Variants in TMED3 observed in about 807,000 individuals in gnomAD.
TMED3 encodes transmembrane emp24 domain-containing protein 3.
Under a neutral mutation model 15.0 loss-of-function variants are expected in TMED3, and 9 were observed. That is an observed-to-expected ratio of 0.60 (90% CI 0.36 to 1.04). The LOEUF (loss-of-function observed/expected upper bound fraction) is 1.04. TMED3 is among the 50% of genes least tolerant of loss of function. The pLI, the probability that TMED3 is intolerant of heterozygous loss-of-function variation, is 0.01. For synonymous variants in TMED3, 117 were observed against 121.4 expected, an observed-to-expected ratio of 0.96 and a Z score of 0.24; for missense variants, 267 against 278.9, an observed-to-expected ratio of 0.96 and a Z score of 0.30.
intron 1 of TMED3, 51 bp downstream of exon 1, chr15:79,311,468 C>T (rs777618958): frequency 6.4e-6 from 10 of 1,554,944 alleles, no homozygotes; most frequent in Non-Finnish European, 8.7e-6. Context: ...TCCCAGGTCT[C>T]ACCTGGACAC....
intron 2 of TMED3, among the ~76,000 whole-genome samples, chr15:79,364,120 G>A (rs1012717458): frequency 6.6e-6 from 1 of 152,160 alleles, no homozygotes; most frequent in Non-Finnish European, 1.5e-5. Flanking sequence ...AGCAAAGAGA[G>A]GGGTCCTGAA....
At chr15:79,321,178 A>G (rs2058764988) in intron 2 of TMED3, among the ~76,000 whole-genome samples, 1 of 152,152 alleles carries the variant, frequency 6.6e-6, no homozygotes, top group South Asian at 2.1e-4. Flanking sequence ...TAACCTCCCC[A>G]TCTTCAGGTC....
rs1893838151 is a variant in TMED3 at position 79,401,851 on chromosome 15, G to T, written c.418-9549G>T. Among the ~76,000 whole-genome samples, 3 of 152,134 alleles carry T rather than the reference G, an allele frequency of 2.0e-5. No individual in the cohort carries two copies. In the South Asian group the frequency reaches 6.2e-4, roughly 32 times the overall value. ...TTTAATACCATTTTCAAATAGATGTGGTTAGCGATTGAAATCCCATCAATA... is the reference window on the plus strand; with the variant it reads ...TTTAATACCATTTTCAAATAGATGTTGTTAGCGATTGAAATCCCATCAATA... On this transcript the variant is annotated intron_variant, in intron 2 of 2. Coordinates refer to the TMED3 transcript ENST00000424155.
chr15:79,371,039 A>G (rs901840092), intron 2 of TMED3, among the ~76,000 whole-genome samples: 4 of 152,350 alleles, frequency 2.6e-5, no homozygotes, highest in African/African-American at 9.6e-5. Context: ...ATCAAACTGA[A>G]AGAATAGTCA....
chr15:79,333,854 T>C (rs781082769), intron 2 of TMED3, among the ~76,000 whole-genome samples: 23 of 152,126 alleles, frequency 1.5e-4, no homozygotes, highest in Non-Finnish European at 2.9e-4. Flanking sequence ...AAAACAGGGC[T>C]GTACTCAGGT....
intron 2 of TMED3, among the ~76,000 whole-genome samples, chr15:79,403,260 G>C (rs1370138265): frequency 7.7e-6 from 1 of 130,480 alleles, no homozygotes; most frequent in Non-Finnish European, 1.6e-5. Context: ...GACTTGATTT[G>C]ATACAGGAGG....
rs1355977926 is a variant in TMED3, at chr15:79,322,502, T to G, written c.*288T>G. 8.2e-7 allele frequency: 1 copy of G among 1,224,338 alleles called. No individual in the cohort carries two copies. Among genetic ancestry groups the G allele is most frequent in the African/African-American group, 1.5e-5 (1 of 65,012 alleles). 75.8% of individuals were successfully genotyped at this position (1,224,338 alleles called of 1,614,324 possible). On this transcript the variant is annotated 3_prime_UTR_variant, in exon 3 of 3. Coordinates refer to ENST00000299705, the MANE Select transcript of TMED3 (RefSeq NM_007364.4). Reference sequence around the variant, plus strand: ...GGAGGGTGGACAGGCAATGGTTCAGTGGCCTGGCTGTTGGCAGGAACTCCA... The same window carrying G: ...GGAGGGTGGACAGGCAATGGTTCAGGGGCCTGGCTGTTGGCAGGAACTCCA...
At chr15:79,316,247 C>T (rs1320987860) in intron 2 of TMED3, among the ~76,000 whole-genome samples, 1 of 152,178 alleles carries the variant, frequency 6.6e-6, no homozygotes, top group African/African-American at 2.4e-5. Context: ...GTCCAAAGGA[C>T]TTGTTTCAGG....
At chr15:79,345,231 A>G (rs965925941) in intron 2 of TMED3, among the ~76,000 whole-genome samples, 54 of 152,162 alleles carry the variant, frequency 3.5e-4, no homozygotes, top group Non-Finnish European at 4.7e-4. Context: ...GGTTTGTTGT[A>G]CAGATTATTT....
chr15:79,350,333 A>C (rs1383130411), intron 2 of TMED3, among the ~76,000 whole-genome samples: 1 of 152,164 alleles, frequency 6.6e-6, no homozygotes, highest in Non-Finnish European at 1.5e-5. Context: ...GTCTCATGAT[A>C]AGCCGTCTGC....
At position 79,322,565 on chromosome 15, in the gene TMED3, C is replaced by T. The variant is rs2058772585; in HGVS notation, c.*351C>T. On this transcript the variant is annotated 3_prime_UTR_variant, in exon 3 of 3. Transcript: ENST00000299705. ...TCTTGGGCAGCTTAGGGCCCTGCCT[C>T]TGTTTCATGATGCATGGGTCATTTG... 1.8e-6 allele frequency: 2 copies of T among 1,087,732 alleles called. No homozygotes were observed. The highest frequency in any genetic ancestry group is 2.2e-6 in the Non-Finnish European group (2 of 895,478). The allele number at this position is 1,087,732 out of a possible 1,614,324, so 67.4% of individuals were successfully genotyped here. A position where few individuals can be genotyped will look rare whatever the true frequency, so the allele number is the denominator to read the frequency against.
intron 2 of TMED3, among the ~76,000 whole-genome samples, chr15:79,360,005 C>T (rs1470665240): frequency 1.3e-5 from 2 of 152,212 alleles, no homozygotes; most frequent in South Asian, 4.1e-4. Flanking sequence ...ATGTTATACT[C>T]TTCCACTGTT....
intron 2 of TMED3, among the ~76,000 whole-genome samples, chr15:79,353,028 A>T (rs1479051141): frequency 1.1e-4 from 11 of 104,394 alleles, no homozygotes; most frequent in African/African-American, 3.7e-4. Flanking sequence ...AAATATATAT[A>T]TTTTATATAT....
At position 79,399,060 on chromosome 15, in the gene TMED3, G is replaced by A. The variant is rs1016813077; in HGVS notation, c.418-12340G>A. ...CGAGTAGCTGGAATTACAGGTGCAT[G>A]CCACCACGCCCAACTAATTTTTGTA... On this transcript the variant is annotated intron_variant, in intron 2 of 2. Coordinates refer to the TMED3 transcript ENST00000424155. Among the ~76,000 whole-genome samples, 30 of 152,128 alleles carry A rather than the reference G, an allele frequency of 2.0e-4. 2 individuals carry two copies.
Position 79,334,802 on chromosome 15 carries a change from A to T in TMED3, c.417+20797A>T, listed in dbSNP as rs151249460. 5.3e-3 allele frequency among the ~76,000 whole-genome samples: 805 copies of T among 152,346 alleles called. 23 individuals carry two copies. Among genetic ancestry groups the T allele is most frequent in the Admixed American group, 0.045 (690 of 15,306 alleles). On this transcript the variant is annotated intron_variant, in intron 2 of 2. Transcript: ENST00000424155. ...TAGTCTTAGAAAAAGGAAAAAAATT[A>T]AAAAAGGCAACAAGACTTCAGAGAA...
chr15:79,338,324 G>C (rs1032752600), intron 2 of TMED3, among the ~76,000 whole-genome samples: 3 of 152,168 alleles, frequency 2.0e-5, no homozygotes, highest in Non-Finnish European at 2.9e-5. Context: ...AGATATGTGG[G>C]TGTTTGTTAT....
chr15:79,346,365 A>T (rs1298425825), intron 2 of TMED3, among the ~76,000 whole-genome samples: 1 of 152,168 alleles, frequency 6.6e-6, no homozygotes, highest in Non-Finnish European at 1.5e-5. Flanking sequence ...AGGTGGACAT[A>T]ATTGAATCAT....
At chr15:79,402,591 A>C (rs567677825) in intron 2 of TMED3, among the ~76,000 whole-genome samples, 94 of 151,978 alleles carry the variant, frequency 6.2e-4, no homozygotes, top group African/African-American at 2.0e-3. Flanking sequence ...CAAACTGGCC[A>C]AGATGGTGAA....
At chr15:79,402,489 G>A (rs1369960414) in intron 2 of TMED3, among the ~76,000 whole-genome samples, 4 of 148,388 alleles carry the variant, frequency 2.7e-5, no homozygotes, top group African/African-American at 9.7e-5. Context: ...GTAAAAGGTG[G>A]GCCAAGGAGG....
Sources: allele counts gnomAD v4.1 joint callset (sites outside exome capture counted in the v4.1 genomes callset), GRCh38; gene constraint gnomAD v4.1.1; transcripts MANE v1.5; gene names NCBI Gene and HGNC (gene_info 2026-07-23, HGNC 2026-07-21).